The following ANGPT2 variants were observed in gnomAD, a reference collection of about 807,000 sequenced individuals.
ANGPT2 encodes angiopoietin 2.
Under a neutral mutation model 62.9 loss-of-function variants are expected in ANGPT2, and 28 were observed. The observed-to-expected ratio is 0.44, with a 90% CI of 0.33 to 0.61. The LOEUF is 0.61. ANGPT2 is among the 20% of genes least tolerant of loss of function. The pLI is 0.03. For synonymous variants in ANGPT2, 284 were observed against 207.8 expected (o/e 1.37, Z -3.15); for missense variants, 727 against 594.9 (o/e 1.22, Z -2.31).
chr8:6,546,843 C>T (rs914242355), intron 1 of ANGPT2, among the ~76,000 whole-genome samples: 5 of 152,098 alleles, frequency 3.3e-5, no homozygotes, highest in Admixed American at 6.5e-5. Context: ...TATCGGAAAG[C>T]GAGTAAGTCA....
At chr8:6,505,415 A>C (rs188793998) in intron 8 of ANGPT2, among the ~76,000 whole-genome samples, 9,163 of 67,242 alleles carry the variant, frequency 0.14, 2,194 homozygotes, top group African/African-American at 0.29. Flanking sequence ...TATATTCTTT[A>C]TATACATAAA....
intron 3 of ANGPT2, among the ~76,000 whole-genome samples, chr8:6,526,551 T>C (rs1175809933): frequency 1.3e-5 from 2 of 152,194 alleles, no homozygotes; most frequent in Admixed American, 6.5e-5. Flanking sequence ...AAGAAAAATA[T>C]TTGAATTTTA....
At chr8:6,560,544 T>C (rs1199420555) in intron 1 of ANGPT2, among the ~76,000 whole-genome samples, 1 of 152,186 alleles carries the variant, frequency 6.6e-6, no homozygotes, top group African/African-American at 2.4e-5. Flanking sequence ...ATTGCCTTTC[T>C]CAGGTGCACG....
intron 8 of ANGPT2, chr8:6,508,217 C>A (rs2515414): frequency 0.44 from 66,656 of 152,106 alleles, 15,064 homozygotes; most frequent in Middle Eastern, 0.53. Context: ...CTGGAGGCTG[C>A]GGCGGGCAGA....
At chr8:6,504,914 C>A (rs924522674) in intron 8 of ANGPT2, among the ~76,000 whole-genome samples, 1 of 151,908 alleles carries the variant, frequency 6.6e-6, no homozygotes, top group Non-Finnish European at 1.5e-5. Context: ...TAAGGGAGGA[C>A]TGCTGTAACC....
rs1258680994 is a variant in ANGPT2, at chr8:6,532,398, T to G, written c.378A>C (p.Glu126Asp). The G allele has an allele frequency of 4.3e-6, 7 of 1,614,144 alleles. No individual in the cohort carries two copies. The highest frequency in any genetic ancestry group is 5.9e-6 in the Non-Finnish European group (7 of 1,180,032). Reference protein sequence around the residue: ...AVQNQTAVMIEIGTNLLNQTA... With the variant: ...AVQNQTAVMIDIGTNLLNQTA... Reference sequence around the variant, plus strand: ...TTTGGTTCAACAGGTTTGTCCCTATTTCTATCATCACAGCCGTCTGGTTCT... The same window carrying G: ...TTTGGTTCAACAGGTTTGTCCCTATGTCTATCATCACAGCCGTCTGGTTCT... Residue 126 changes from glutamate (E) to aspartate (D), a missense_variant, in exon 2 of 9, where the codon GAA becomes GAC. Coordinates refer to ENST00000629816, the MANE Select transcript of ANGPT2 (RefSeq NM_001118887.2).
At position 6,527,684 on chromosome 8, in the gene ANGPT2, T is replaced by G; in HGVS notation, c.445-8A>C. The stretch of plus-strand genomic sequence containing the variant: ...CGTGGTCTGATTTAATACCTAAATG[T>G]AACAAAATGAAGTTCCTATTAATTA... On this transcript the variant is annotated splice_polypyrimidine_tract_variant and splice_region_variant and intron_variant, in intron 2 of 8. Transcript: ENST00000629816. 6.3e-7 allele frequency: 1 copy of G among 1,597,910 alleles called. No individual in the cohort carries two copies. The highest frequency in any genetic ancestry group is 8.5e-7 in the Non-Finnish European group (1 of 1,174,588).
chr8:6,530,245 C>T (rs925351792), intron 2 of ANGPT2, among the ~76,000 whole-genome samples: 8 of 152,054 alleles, frequency 5.3e-5, no homozygotes, highest in Admixed American at 2.0e-4. Context: ...CGGTGGCTCA[C>T]GCCTGTGATC....
At chr8:6,558,015 C>G (rs1187500835) in intron 1 of ANGPT2, among the ~76,000 whole-genome samples, 3 of 152,188 alleles carry the variant, frequency 2.0e-5, no homozygotes, top group African/African-American at 7.2e-5. Context: ...GTGTCTCTGT[C>G]TCTCCTGCCC....
At chr8:6,510,091 G>T (rs1303960115) in intron 7 of ANGPT2, among the ~76,000 whole-genome samples, 1 of 152,034 alleles carries the variant, frequency 6.6e-6, no homozygotes, top group Admixed American at 6.5e-5. Flanking sequence ...GCTTACATCG[G>T]TCATCTGTGT....
intron 2 of ANGPT2, among the ~76,000 whole-genome samples, chr8:6,529,577 C>G (rs781004432): frequency 2.0e-5 from 3 of 151,608 alleles, no homozygotes; most frequent in Non-Finnish European, 4.4e-5. Context: ...CTCACTAAGC[C>G]TCCCAAGTAA....
intron 1 of ANGPT2, among the ~76,000 whole-genome samples, chr8:6,533,406 T>C (rs1410999648): frequency 6.6e-6 from 1 of 152,142 alleles, no homozygotes; most frequent in African/African-American, 2.4e-5. Context: ...CCCTCTGCTT[T>C]ATAGTCTTGG....
intron 1 of ANGPT2, among the ~76,000 whole-genome samples, chr8:6,550,321 G>A (rs968125167): frequency 1.3e-5 from 2 of 152,116 alleles, no homozygotes; most frequent in African/African-American, 2.4e-5. Context: ...ATGTGTGTGG[G>A]TCCTGGGAGT....
At chr8:6,551,869 T>C (rs1425061751) in intron 1 of ANGPT2, among the ~76,000 whole-genome samples, 4 of 152,254 alleles carry the variant, frequency 2.6e-5, no homozygotes, top group Non-Finnish European at 5.9e-5. Flanking sequence ...ACATTTCCCA[T>C]TAAGACCAGT....
At chr8:6,508,255 GC>G (rs1419885439) in intron 8 of ANGPT2, 1 of 152,416 alleles carries the variant, frequency 6.6e-6, no homozygotes, top group Non-Finnish European at 1.5e-5. Flanking sequence ...TTCGAGACCA[GC>G]CTGGCAAACA....
At chr8:6,541,720 A>T (rs1821609252) in intron 1 of ANGPT2, among the ~76,000 whole-genome samples, 1 of 152,228 alleles carries the variant, frequency 6.6e-6, no homozygotes. Context: ...TACTGAATGT[A>T]GGGCCGGGCA....
At chr8:6,513,523 C>T (rs1420763189) in intron 7 of ANGPT2, among the ~76,000 whole-genome samples, 155 bp downstream of exon 7, 1 of 152,050 alleles carries the variant, frequency 6.6e-6, no homozygotes, top group East Asian at 1.9e-4. Flanking sequence ...CTAGTAGAGA[C>T]AGGGTTTCAC....
At chr8:6,550,963 C>A (rs1334401447) in intron 1 of ANGPT2, among the ~76,000 whole-genome samples, 5 of 152,200 alleles carry the variant, frequency 3.3e-5, no homozygotes, top group Non-Finnish European at 7.3e-5. Context: ...CCTTCTCTGA[C>A]TGCTGTCCTA....
intron 2 of ANGPT2, among the ~76,000 whole-genome samples, chr8:6,530,961 A>G (rs1057090346): frequency 6.6e-6 from 1 of 151,900 alleles, no homozygotes; most frequent in Admixed American, 6.6e-5. Context: ...AGCATTTAGG[A>G]ATAATATGGA....
Sources: gnomAD v4.1 joint callset for allele counts (sites outside exome capture counted in the v4.1 genomes callset) on GRCh38, gnomAD v4.1.1 for gene constraint, MANE v1.5 for transcripts, NCBI Gene and HGNC (gene_info 2026-07-23, HGNC 2026-07-21) for gene names.